Variants in ERBB2 observed in about 807,000 individuals in gnomAD.
The protein encoded by ERBB2 is receptor tyrosine-protein kinase erbB-2.
A neutral mutation model predicts 149.0 loss-of-function variants in ERBB2; 61 were observed. The observed-to-expected ratio is 0.41, with a 90% CI of 0.33 to 0.51. ERBB2 has a LOEUF of 0.51. Ranked by LOEUF, ERBB2 falls within the 20% of genes least tolerant of loss-of-function variation. The pLI is 0.25. For missense variants in ERBB2, 1,205 were observed against 1,655.1 expected, an observed-to-expected ratio of 0.73 and a Z score of 4.72; for synonymous variants, 633 against 678.8, an observed-to-expected ratio of 0.93 and a Z score of 1.05.
intron 9 of ERBB2, among the ~76,000 whole-genome samples, chr17:39,714,816 C>T (rs973971504): frequency 6.7e-6 from 1 of 150,056 alleles, no homozygotes; most frequent in Non-Finnish European, 1.5e-5. Flanking sequence ...TATCGCCAGG[C>T]TGGTGTGCAG....
In ERBB2 at chr17:39,728,482, G is replaced by A; in HGVS notation, c.*438G>A. ...CCCATGAGGAAGGAACAGCAATGGT[G>A]TCAGTATCCAGGCTTTGTACAGAGT... On this transcript the variant is annotated 3_prime_UTR_variant, in exon 27 of 27. Transcript: ENST00000269571. 1 of 246,492 alleles carries A rather than the reference G, an allele frequency of 4.1e-6. No homozygotes were observed. The highest frequency in any genetic ancestry group is 7.8e-6 in the Non-Finnish European group (1 of 127,640). 15.3% of individuals were successfully genotyped at this position (246,492 alleles called of 1,614,324 possible).
chr17:39,694,739 C>G (rs1597843206), upstream of ERBB2: 1 of 152,162 alleles, frequency 6.6e-6, no homozygotes, highest in Non-Finnish European at 1.5e-5. Context: ...CTCATTCATA[C>G]CCCAGTGGTC....
chr17:39,704,097 C>T (rs1325148051), intron 1 of ERBB2, among the ~76,000 whole-genome samples: 1 of 152,174 alleles, frequency 6.6e-6, no homozygotes, highest in East Asian at 1.9e-4. Flanking sequence ...TGTTCGGAGA[C>T]TCGTGACTGG....
At chr17:39,689,900 C>CAAAAAAA (rs77805136) in intron 2 of ERBB2, among the ~76,000 whole-genome samples, 8 of 47,408 alleles carry the variant, frequency 1.7e-4, no homozygotes, top group South Asian at 6.6e-4. Context: ...GAGCGAAACT[C>CAAAAAAA]AAAAAAAAAA....
intron 8 of ERBB2, 136 bp from the exon 9 acceptor site, chr17:39,712,186 C>A: frequency 6.6e-7 from 1 of 1,519,310 alleles, no homozygotes; most frequent in Non-Finnish European, 9.0e-7. Flanking sequence ...CCCCTGGCCC[C>A]CCTCAGCCCT....
In ERBB2 at chr17:39,723,779, T is replaced by C; in HGVS notation, c.2208+119T>C. The C allele has an allele frequency of 2.7e-6, 4 of 1,506,780 alleles. 1 individual carries two copies. In the South Asian group the frequency reaches 3.7e-5, roughly 14 times the overall value. 93.3% of individuals were successfully genotyped at this position (1,506,780 alleles called of 1,614,324 possible). On this transcript the variant is annotated intron_variant, in intron 18 of 26. Coordinates refer to ENST00000269571, the MANE Select transcript of ERBB2 (RefSeq NM_004448.4). This position sits in a 1 kb window ranked among gnomAD's most constrained non-coding sequence, Gnocchi z 6.2. ...GGAGGCAGTGTTTGGGGGAGGGCAG[T>C]TACAGCGGAGAAGGGAGCGGGGCCA... is the stretch of plus-strand genomic sequence containing the variant.
chr17:39,716,202 C>A (rs2145668332), intron 12 of ERBB2, 99 bp from the exon 13 acceptor site: 1 of 1,346,304 alleles, frequency 7.4e-7, no homozygotes, highest in Non-Finnish European at 1.0e-6. Flanking sequence ...CTGTCCCCAC[C>A]CCTCCAGCCC....
chr17:39,715,199 A>T (rs576641816), intron 9 of ERBB2, 87 bp from the exon 10 acceptor site: 23 of 1,118,536 alleles, frequency 2.1e-5, no homozygotes, highest in Non-Finnish European at 3.1e-5. Flanking sequence ...GAAGGCATTC[A>T]TGGTGGGGAG....
chr17:39,721,275 T>G (rs1406653454), intron 16 of ERBB2, among the ~76,000 whole-genome samples: 2 of 148,368 alleles, frequency 1.3e-5, no homozygotes, highest in African/African-American at 5.0e-5. Flanking sequence ...TTTTTTTTTT[T>G]TTTTTTTTGA....
At chr17:39,693,626 T>A (rs2057760217), upstream of ERBB2, among the ~76,000 whole-genome samples, 1 of 151,936 alleles carries the variant, frequency 6.6e-6, no homozygotes, top group African/African-American at 2.4e-5. Context: ...GGCATGGTGG[T>A]GCGCTTCTGT....
At chr17:39,724,110 C>A in intron 19 of ERBB2, 100 bp downstream of exon 19, 1 of 785,106 alleles carries the variant, frequency 1.3e-6, no homozygotes, top group Non-Finnish European at 2.0e-6. Context: ...GGAGATATGA[C>A]TCCCGCAAAC....
upstream of ERBB2, among the ~76,000 whole-genome samples, chr17:39,691,486 G>A (rs535474743): frequency 6.7e-6 from 1 of 150,196 alleles, no homozygotes; most frequent in East Asian, 2.0e-4. Context: ...GGAGGTTGCA[G>A]TGAGCCTGGA....
Position 39,704,364 on chromosome 17 carries a change from A to C in ERBB2, c.74-2626A>C, listed in dbSNP as rs576294237. ...GCCGAGACGGGCGGATCACAAGGTC[A>C]GCAGTTCAGGACCAGCCTGGCCAAC... On this transcript the variant is annotated intron_variant, in intron 1 of 26. Transcript: ENST00000269571. Among the ~76,000 whole-genome samples, 3 of 152,294 alleles carry C rather than the reference A, an allele frequency of 2.0e-5. No homozygotes were observed. In the South Asian group the frequency reaches 6.2e-4, roughly 32 times the overall value.
In ERBB2 at chr17:39,707,131, C is replaced by T. The variant is rs2058492728; in HGVS notation, c.215C>T (p.Ser72Phe). The change falls in exon 2 of 27, where the codon TCC becomes TTC. Residue 72 changes from serine to phenylalanine, a missense_variant. By Grantham distance (155) the Ser-to-Phe change is radical (BLOSUM62 -2). Transcript: ENST00000269571. ...LTYLPTNASL[S>F]FLQDIQEVQG... ...TACCTGCCCACCAATGCCAGCCTGTCCTTCCTGCAGGTGAGGCCCGTGGGC... is the reference window on the plus strand; with the variant it reads ...TACCTGCCCACCAATGCCAGCCTGTTCTTCCTGCAGGTGAGGCCCGTGGGC... 1 of 1,584,148 alleles carries T rather than the reference C, an allele frequency of 6.3e-7. No individual in the cohort carries two copies. Among genetic ancestry groups the T allele is most frequent in the Non-Finnish European group, 8.6e-7 (1 of 1,164,466 alleles).
chr17:39,691,562 T>C (rs749309680), upstream of ERBB2, among the ~76,000 whole-genome samples: 3 of 123,190 alleles, frequency 2.4e-5, no homozygotes, highest in African/African-American at 4.4e-5. Flanking sequence ...AAAAAATATA[T>C]ATATATATAT....
chr17:39,694,262 T>TGTGTGTATATATATATATATACAC (rs1567888129), upstream of ERBB2, among the ~76,000 whole-genome samples: 16 of 28,862 alleles, frequency 5.5e-4, no homozygotes, highest in South Asian at 1.5e-3. Flanking sequence ...TATATATATA[T>TGTGTGTATATATATATATATACAC]ATATATGTGT....
chr17:39,689,894 G>A (rs1156828490), intron 2 of ERBB2, among the ~76,000 whole-genome samples: 6 of 108,774 alleles, frequency 5.5e-5, no homozygotes, highest in African/African-American at 7.1e-5. Flanking sequence ...CAACAAGAGC[G>A]AAACTCAAAA....
chr17:39,713,593 A>T (rs909500596), intron 9 of ERBB2, among the ~76,000 whole-genome samples: 4 of 151,566 alleles, frequency 2.6e-5, no homozygotes, highest in Non-Finnish European at 5.9e-5. Context: ...TCTACTAAAA[A>T]ATATAAAAAA....
chr17:39,690,726 TTGTATTTGGCTTCAGA>T (rs572482867), upstream of ERBB2, among the ~76,000 whole-genome samples: 276 of 152,312 alleles, frequency 1.8e-3, 1 homozygote, highest in African/African-American at 6.3e-3. Context: ...TCTTCCTAAC[TTGTATTTGGCTTCAGA>T]TGTGATCCAC....
Sources: gnomAD v4.1 joint callset for allele counts (sites outside exome capture counted in the v4.1 genomes callset) on GRCh38, gnomAD v4.1.1 for gene constraint, Gnocchi (gnomAD v3.1) non-coding constraint, MANE v1.5 for transcripts, NCBI Gene and HGNC (gene_info 2026-07-23, HGNC 2026-07-21) for gene names.